NARS2: variants seen among roughly 807,000 people sequenced by gnomAD.
NARS2 encodes asparaginyl-tRNA synthetase.
In NARS2, 60 loss-of-function variants were observed where a neutral mutation model predicts 62.9. That is an observed-to-expected ratio of 0.95 (90% confidence interval 0.77 to 1.18). NARS2 has a LOEUF of 1.18. Ranked by LOEUF, NARS2 falls within the 50% of genes most tolerant of loss-of-function variation. NARS2 has a pLI of 0.00. For synonymous variants in NARS2, 196 were observed against 200.0 expected, an observed-to-expected ratio of 0.98 and a Z score of 0.17; for missense variants, 619 against 576.4, an observed-to-expected ratio of 1.07 and a Z score of -0.76.
chr11:78,490,360 C>T (rs889919788), intron 7 of NARS2, among the ~76,000 whole-genome samples: 3 of 152,146 alleles, frequency 2.0e-5, no homozygotes, highest in East Asian at 1.9e-4. Context: ...TGAGATAACA[C>T]CAGCAAAGGT....
At chr11:78,558,777 A>G (rs1253346098) in intron 5 of NARS2, among the ~76,000 whole-genome samples, 1 of 152,240 alleles carries the variant, frequency 6.6e-6, no homozygotes, top group Admixed American at 6.5e-5. Context: ...AACAAAATAT[A>G]AATCAGTTCT....
chr11:78,565,045 T>C (rs1177304120), intron 4 of NARS2, among the ~76,000 whole-genome samples: 1 of 152,156 alleles, frequency 6.6e-6, no homozygotes, highest in Non-Finnish European at 1.5e-5. Flanking sequence ...CAAAACCACG[T>C]GGAATAACAA....
chr11:78,477,468 T>C (rs962092248), intron 9 of NARS2, among the ~76,000 whole-genome samples: 6 of 152,186 alleles, frequency 3.9e-5, no homozygotes, highest in African/African-American at 1.4e-4. Flanking sequence ...CCTTAACTCC[T>C]CTCTCTCACC....
chr11:78,571,139 T>C (rs1590880221), intron 2 of NARS2, among the ~76,000 whole-genome samples, 196 bp downstream of exon 2: 1 of 152,118 alleles, frequency 6.6e-6, no homozygotes, highest in Non-Finnish European at 1.5e-5. Context: ...CATGTGACAA[T>C]GTCAAATAGA....
chr11:78,485,932 T>C (rs933523341), intron 7 of NARS2, among the ~76,000 whole-genome samples: 2 of 152,180 alleles, frequency 1.3e-5, no homozygotes, highest in African/African-American at 2.4e-5. Context: ...TGGAGTGTAG[T>C]GGCACGATCT....
chr11:78,526,665 G>A (rs775496557), intron 6 of NARS2, among the ~76,000 whole-genome samples: 26 of 152,008 alleles, frequency 1.7e-4, no homozygotes, highest in African/African-American at 2.2e-4. Flanking sequence ...TTAATCTTCC[G>A]TCAAGTTTCA....
intron 5 of NARS2, among the ~76,000 whole-genome samples, chr11:78,541,044 A>G (rs11823134): frequency 0.024 from 3,619 of 152,252 alleles, 132 homozygotes; most frequent in African/African-American, 0.082. Flanking sequence ...CTGTATTCCC[A>G]GCTACTTGGG....
chr11:78,468,670 C>T (rs959015971), intron 10 of NARS2, among the ~76,000 whole-genome samples: 1 of 151,976 alleles, frequency 6.6e-6, no homozygotes, highest in South Asian at 2.1e-4. Context: ...TCCCAAAGTA[C>T]TGGGATTACA....
chr11:78,445,528 C>T (rs964726007), intron 11 of NARS2, among the ~76,000 whole-genome samples: 7 of 151,996 alleles, frequency 4.6e-5, no homozygotes, highest in African/African-American at 9.7e-5. Flanking sequence ...GGCTGAGGCA[C>T]GAAGAATTGC....
rs200042780 is a variant in NARS2 at position 78,510,649 on chromosome 11, GTGCA to G, written c.690-17458_690-17455del. Among the ~76,000 whole-genome samples, 787 of 152,260 alleles carry G rather than the reference GTGCA, an allele frequency of 5.2e-3. 3 individuals carry two copies. Among genetic ancestry groups the G allele is most frequent in the African/African-American group, 0.018 (763 of 41,558 alleles). On this transcript the variant is annotated intron_variant, in intron 6 of 13. Transcript: ENST00000281038. ...CTTCAAATGATCAAAATTTTCATAT[GTGCA>G]TGTGTTATTTATTCAAACTAAAACT...
chr11:78,438,845 A>AGACCTTTTTTTTTT (rs1177062677), intron 13 of NARS2, among the ~76,000 whole-genome samples: 2 of 152,220 alleles, frequency 1.3e-5, no homozygotes, highest in Non-Finnish European at 2.9e-5. Flanking sequence ...AGATATGAAG[A>AGACCTTTTTTTTTT]TGTCTAAGGT....
chr11:78,474,292 A>T (rs976610954), intron 9 of NARS2, among the ~76,000 whole-genome samples: 3 of 152,284 alleles, frequency 2.0e-5, no homozygotes, highest in Middle Eastern at 3.4e-3. Context: ...AATCAAGTTC[A>T]TAGTCGTAAT....
At chr11:78,564,673 T>C (rs17826541) in intron 4 of NARS2, among the ~76,000 whole-genome samples, 4,105 of 152,236 alleles carry the variant, frequency 0.027, 79 homozygotes, top group Non-Finnish European at 0.037. Context: ...GCCATGTGGT[T>C]AAAAAACAAA....
At chr11:78,569,395 T>G (rs2135542128) in intron 2 of NARS2, among the ~76,000 whole-genome samples, 1 of 152,302 alleles carries the variant, frequency 6.6e-6, no homozygotes, top group East Asian at 1.9e-4. Flanking sequence ...GCTCAAGCAA[T>G]CCTCCTGCCT....
At chr11:78,537,020 A>C (rs1046988325) in intron 5 of NARS2, among the ~76,000 whole-genome samples, 2 of 152,206 alleles carry the variant, frequency 1.3e-5, no homozygotes, top group Non-Finnish European at 2.9e-5. Context: ...CAACATACTG[A>C]ATAGGTTTGT....
chr11:78,507,474 A>G (rs1860546125), intron 6 of NARS2, among the ~76,000 whole-genome samples: 1 of 151,926 alleles, frequency 6.6e-6, no homozygotes, highest in African/African-American at 2.4e-5. Flanking sequence ...TGATTTCCAC[A>G]GTTCTCACAT....
intron 6 of NARS2, among the ~76,000 whole-genome samples, chr11:78,515,988 A>T (rs1860896424): frequency 6.6e-6 from 1 of 152,202 alleles, no homozygotes; most frequent in Non-Finnish European, 1.5e-5. Flanking sequence ...TCTTCCCTGT[A>T]CTAAACATAT....
At chr11:78,543,140 T>A (rs1855695468) in intron 5 of NARS2, among the ~76,000 whole-genome samples, 1 of 152,076 alleles carries the variant, frequency 6.6e-6, no homozygotes, top group Admixed American at 6.5e-5. Context: ...ATGGTGCCAC[T>A]GCACTCTAGC....
chr11:78,517,200 G>T (rs199992891), intron 6 of NARS2, among the ~76,000 whole-genome samples: 1 of 146,484 alleles, frequency 6.8e-6, no homozygotes, highest in African/African-American at 2.7e-5. Flanking sequence ...AGGATTCAAA[G>T]GGTATGGAAC....
Sources: gnomAD v4.1 joint callset for allele counts (sites outside exome capture counted in the v4.1 genomes callset) on GRCh38, gnomAD v4.1.1 for gene constraint, MANE v1.5 for transcripts, NCBI Gene and HGNC (gene_info 2026-07-23, HGNC 2026-07-21) for gene names.